Variants in MRPS9 observed in about 807,000 individuals in gnomAD.
MRPS9 encodes mitochondrial ribosomal protein S9.
Under a neutral mutation model 59.9 loss-of-function variants are expected in MRPS9, and 45 were observed. The ratio of observed to expected loss-of-function variants is 0.75; its 90% CI spans 0.59 to 0.96. The LOEUF is 0.96. MRPS9 is among the 40% of genes least tolerant of loss of function. The pLI is 0.00. For synonymous variants in MRPS9, 171 were observed against 166.8 expected, an observed-to-expected ratio of 1.03 and a Z score of -0.19; for missense variants, 473 against 481.1, an observed-to-expected ratio of 0.98 and a Z score of 0.16.
intron 5 of MRPS9, among the ~76,000 whole-genome samples, chr2:105,084,449 G>A (rs766248621): frequency 6.6e-6 from 1 of 152,040 alleles, no homozygotes; most frequent in Non-Finnish European, 1.5e-5. Context: ...TTAAAGCCTG[G>A]AACAGCAGCC....
At chr2:105,099,040 C>G (rs779027955) in intron 10 of MRPS9, among the ~76,000 whole-genome samples, 1 of 152,146 alleles carries the variant, frequency 6.6e-6, no homozygotes, top group Non-Finnish European at 1.5e-5. Context: ...TGACTTTATT[C>G]TTCTAGAAGA....
At chr2:105,052,054 A>G (rs959104536) in intron 2 of MRPS9, among the ~76,000 whole-genome samples, 6 of 152,152 alleles carry the variant, frequency 3.9e-5, no homozygotes, top group African/African-American at 1.4e-4. Context: ...AATTAGTAGG[A>G]TATTTCACCT....
rs759362508 is a variant in MRPS9 at position 105,038,082 on chromosome 2, C to T, written c.-11C>T. 6 of 1,613,392 alleles carry T rather than the reference C, an allele frequency of 3.7e-6. No homozygotes were observed. Among genetic ancestry groups the T allele is most frequent in the Non-Finnish European group, 5.1e-6 (6 of 1,179,924 alleles). On this transcript the variant is annotated 5_prime_UTR_variant, in exon 1 of 11. Transcript: ENST00000258455. Reference sequence around the variant, plus strand: ...CCTCACCCCTCCGGTCCTGGAGCTCCCACAGCTAACATGGCGGCGCCCTGT... The same window carrying T: ...CCTCACCCCTCCGGTCCTGGAGCTCTCACAGCTAACATGGCGGCGCCCTGT...
Position 105,089,120 on chromosome 2 carries a change from T to G in MRPS9, c.575+51T>G, listed in dbSNP as rs958830342. ...ATAAGTAAAATTTGAACTAAAAACA[T>G]GCCACTCATTGGTATTTTTTTAGAC... On this transcript the variant is annotated intron_variant, in intron 6 of 10. Transcript: ENST00000258455. The G allele has an allele frequency of 4.4e-6, 6 of 1,378,696 alleles. No homozygotes were observed. The African/African-American group carries it at 8.6e-5, about 20-fold the overall frequency. 85.4% of individuals were successfully genotyped at this position (1,378,696 alleles called of 1,614,324 possible).
At position 105,054,327 on chromosome 2, in the gene MRPS9, A is replaced by G. The variant is rs147361163; in HGVS notation, c.315+4977A>G. Among the ~76,000 whole-genome samples the G allele has an allele frequency of 9.9e-3, 1,508 of 152,338 alleles. 14 individuals carry two copies. The highest frequency in any genetic ancestry group is 0.037 in the Middle Eastern group (11 of 294). On this transcript the variant is annotated intron_variant, in intron 2 of 10. Transcript: ENST00000258455. ...CACAAGTCTTCCATGCCACCTGAGAATGAGTGCTGGGGAGAATCATCTGAA... is the reference window on the plus strand; with the variant it reads ...CACAAGTCTTCCATGCCACCTGAGAGTGAGTGCTGGGGAGAATCATCTGAA...
intron 2 of MRPS9, among the ~76,000 whole-genome samples, chr2:105,053,526 A>G (rs1679747438): frequency 7.2e-6 from 1 of 138,974 alleles, no homozygotes; most frequent in Non-Finnish European, 1.6e-5. Flanking sequence ...CCTTTCATAT[A>G]TTAAAATATC....
chr2:105,042,665 C>G (rs1030741859), intron 1 of MRPS9, among the ~76,000 whole-genome samples: 1 of 152,174 alleles, frequency 6.6e-6, no homozygotes, highest in Admixed American at 6.5e-5. Flanking sequence ...GGATTATTAG[C>G]TTAAACAAAA....
intron 2 of MRPS9, among the ~76,000 whole-genome samples, chr2:105,070,378 T>C (rs13422212): frequency 0.75 from 113,436 of 152,032 alleles, 42,785 homozygotes; most frequent in African/African-American, 0.86. Flanking sequence ...ACTGAATTTA[T>C]ACCCCCAAAT....
chr2:105,093,680 A>G, intron 9 of MRPS9, 42 bp downstream of exon 9: 2 of 903,284 alleles, frequency 2.2e-6, no homozygotes, highest in South Asian at 3.3e-5. Context: ...AAGGAAACAT[A>G]CTTTATAATA....
intron 2 of MRPS9, among the ~76,000 whole-genome samples, chr2:105,067,626 A>G (rs1680026625): frequency 6.7e-6 from 1 of 150,196 alleles, no homozygotes; most frequent in Non-Finnish European, 1.5e-5. Context: ...CCTGAAATTG[A>G]TGGTTAATTT....
rs560428431 is a variant in MRPS9, at chr2:105,071,542, G to A, written c.409+53G>A. The A allele has an allele frequency of 8.4e-6, 13 of 1,540,202 alleles. No individual in the cohort carries two copies. In the East Asian group the frequency reaches 2.3e-4, roughly 27 times the overall value. On this transcript the variant is annotated intron_variant, in intron 4 of 10. Transcript: ENST00000258455. Reference sequence around the variant, plus strand: ...AGTTTTTTCTTTACCGTATTCCGGTGTTAGGTTATGTATCAGCGGTTGCTC... The same window carrying A: ...AGTTTTTTCTTTACCGTATTCCGGTATTAGGTTATGTATCAGCGGTTGCTC...
chr2:105,073,290 G>A (rs906300518), intron 4 of MRPS9, among the ~76,000 whole-genome samples: 5 of 152,144 alleles, frequency 3.3e-5, no homozygotes, highest in African/African-American at 1.2e-4. Flanking sequence ...GTTACTAGCA[G>A]CCAGGTTGTG....
At chr2:105,066,928 CTT>C (rs1329675613) in intron 2 of MRPS9, among the ~76,000 whole-genome samples, 1 of 152,202 alleles carries the variant, frequency 6.6e-6, no homozygotes, top group East Asian at 1.9e-4. Flanking sequence ...TATTTTGAAA[CTT>C]TTCAAATTTC....
chr2:105,067,528 C>T (rs1453589925), intron 2 of MRPS9, among the ~76,000 whole-genome samples: 1 of 152,138 alleles, frequency 6.6e-6, no homozygotes. Context: ...TGTAACCAGT[C>T]TATAGGGTAA....
At chr2:105,060,216 T>C (rs1050326598) in intron 2 of MRPS9, among the ~76,000 whole-genome samples, 1 of 152,184 alleles carries the variant, frequency 6.6e-6, no homozygotes, top group Admixed American at 6.5e-5. Flanking sequence ...TGAAATACCC[T>C]CCTTAGTGTT....
chr2:105,083,612 A>G lies in MRPS9; in HGVS notation c.489+3550A>G, dbSNP rs372339879. Among the ~76,000 whole-genome samples the G allele has an allele frequency of 3.3e-5, 5 of 152,344 alleles. No homozygotes were observed. In the East Asian group the frequency reaches 9.6e-4, roughly 29 times the overall value. Reference sequence around the variant, plus strand: ...TGAAGTGGTAACCCTTTTGTAAAACATGGCTCATTAAGTCAAGGCATGTCT... The same window carrying G: ...TGAAGTGGTAACCCTTTTGTAAAACGTGGCTCATTAAGTCAAGGCATGTCT... On this transcript the variant is annotated intron_variant, in intron 5 of 10. Transcript: ENST00000258455.
At chr2:105,051,617 T>C (rs1679711899) in intron 2 of MRPS9, among the ~76,000 whole-genome samples, 1 of 152,220 alleles carries the variant, frequency 6.6e-6, no homozygotes, top group South Asian at 2.1e-4. Flanking sequence ...AATCTCTAGA[T>C]AGATTTTGAG....
At chr2:105,039,417 G>A (rs1175179887) in intron 1 of MRPS9, among the ~76,000 whole-genome samples, 1 of 151,616 alleles carries the variant, frequency 6.6e-6, no homozygotes, top group Non-Finnish European at 1.5e-5. Flanking sequence ...TTATGAGAGG[G>A]ACTATATCAT....
intron 5 of MRPS9, among the ~76,000 whole-genome samples, chr2:105,083,278 G>GTT (rs1680384402): frequency 6.6e-6 from 1 of 152,186 alleles, no homozygotes; most frequent in Non-Finnish European, 1.5e-5. Context: ...GACTAGCCTA[G>GTT]GTGTAGACTG....
Sources: gnomAD v4.1 joint callset for allele counts (sites outside exome capture counted in the v4.1 genomes callset) on GRCh38, gnomAD v4.1.1 for gene constraint, MANE v1.5 for transcripts, NCBI Gene and HGNC (gene_info 2026-07-23, HGNC 2026-07-21) for gene names.